CACNB2: variants seen among roughly 807,000 people sequenced by gnomAD.
The protein encoded by CACNB2 is voltage-dependent L-type calcium channel subunit beta-2.
Under a neutral mutation model 73.3 loss-of-function variants are expected in CACNB2, and 42 were observed. That is an observed-to-expected ratio of 0.57 (90% CI 0.45 to 0.74). CACNB2 has a LOEUF of 0.74. Ranked by LOEUF, CACNB2 falls within the 30% of genes least tolerant of loss-of-function variation. CACNB2 has a pLI of 0.00. For missense variants in CACNB2, 940 were observed against 853.0 expected (o/e 1.10, Z -1.27); for synonymous variants, 348 against 310.3 (o/e 1.12, Z -1.28).
At chr10:18,167,084 G>A (rs1279233488) in intron 2 of CACNB2, among the ~76,000 whole-genome samples, 1 of 152,126 alleles carries the variant, frequency 6.6e-6, no homozygotes, top group Non-Finnish European at 1.5e-5. Flanking sequence ...TGTTCTTCAA[G>A]GTGAAGGTAC....
At chr10:18,409,196 G>A (rs370010674) in intron 3 of CACNB2, among the ~76,000 whole-genome samples, 2 of 151,966 alleles carry the variant, frequency 1.3e-5, no homozygotes, top group African/African-American at 4.8e-5. Context: ...CTATCCCAGA[G>A]GCTGAAGCAG....
At chr10:18,529,314 AC>A (rs1315866794) in intron 10 of CACNB2, among the ~76,000 whole-genome samples, 1 of 152,222 alleles carries the variant, frequency 6.6e-6, no homozygotes, top group Non-Finnish European at 1.5e-5. Context: ...CATTGAGCAT[AC>A]ACTAGATACC....
chr10:18,504,164 C>T (rs899298139), intron 5 of CACNB2, among the ~76,000 whole-genome samples: 5 of 152,210 alleles, frequency 3.3e-5, no homozygotes, highest in Non-Finnish European at 7.3e-5. Flanking sequence ...TAGTGCTCCA[C>T]TCATCTTTGT....
chr10:18,355,644 T>TA (rs2041877273), intron 2 of CACNB2, among the ~76,000 whole-genome samples: 1 of 151,652 alleles, frequency 6.6e-6, no homozygotes, highest in Admixed American at 6.6e-5. Flanking sequence ...TTTTTTTTTT[T>TA]TTATTTTTTT....
intron 1 of CACNB2, among the ~76,000 whole-genome samples, chr10:18,142,425 T>G (rs1244360143): frequency 6.6e-6 from 1 of 152,198 alleles, no homozygotes; most frequent in East Asian, 1.9e-4. Flanking sequence ...TTTGCATTTG[T>G]TCTAGACTCC....
intron 2 of CACNB2, among the ~76,000 whole-genome samples, chr10:18,287,014 C>T (rs542226670): frequency 6.6e-6 from 1 of 152,122 alleles, no homozygotes; most frequent in Non-Finnish European, 1.5e-5. Context: ...AATATGTAAA[C>T]TAATATAGGC....
intron 2 of CACNB2, among the ~76,000 whole-genome samples, chr10:18,205,880 C>G (rs2035068618): frequency 6.6e-6 from 1 of 152,170 alleles, no homozygotes. Context: ...TGTTCTTGCT[C>G]CAATTTGCAA....
At chr10:18,266,112 G>A (rs557006470) in intron 2 of CACNB2, among the ~76,000 whole-genome samples, 7 of 152,252 alleles carry the variant, frequency 4.6e-5, no homozygotes, top group East Asian at 1.9e-4. Flanking sequence ...TTGTTCCAAC[G>A]CACATTTACA....
At chr10:18,424,614 G>C (rs979444979) in intron 3 of CACNB2, among the ~76,000 whole-genome samples, 1 of 152,006 alleles carries the variant, frequency 6.6e-6, no homozygotes, top group African/African-American at 2.4e-5. Context: ...TGCTGAATGT[G>C]GTGTTTCCCA....
At chr10:18,444,271 A>C (rs959356802) in intron 3 of CACNB2, among the ~76,000 whole-genome samples, 2 of 152,104 alleles carry the variant, frequency 1.3e-5, no homozygotes, top group Non-Finnish European at 2.9e-5. Flanking sequence ...CCACCAGGAG[A>C]GGATGCAGAG....
intron 3 of CACNB2, among the ~76,000 whole-genome samples, chr10:18,461,663 A>G (rs749611881): frequency 6.6e-6 from 1 of 151,908 alleles, no homozygotes; most frequent in Non-Finnish European, 1.5e-5. Context: ...GCAGTTCACA[A>G]CAGGGTTCAC....
rs71402168 is a variant in CACNB2 at position 18,443,014 on chromosome 10, GTATATA to G, written c.333+40988_333+40993del. 1.0e-3 allele frequency among the ~76,000 whole-genome samples: 17 copies of G among 16,530 alleles called. 3 individuals are homozygous for G. Among genetic ancestry groups the G allele is most frequent in the East Asian group, 6.8e-3 (3 of 444 alleles). The allele number at this position is 16,530 out of a possible 152,430, so 10.8% of individuals were successfully genotyped here. Reference sequence around the variant, plus strand: ...TATATATATGTGTATATATATATATGTATATATATATATATATATATAAATAAGGAA... The same window carrying G: ...TATATATATGTGTATATATATATATGTATATATATATATATAAATAAGGAA... On this transcript the variant is annotated intron_variant, in intron 3 of 13. Transcript: ENST00000324631.
chr10:18,313,648 A>T (rs2040046195), intron 2 of CACNB2, among the ~76,000 whole-genome samples: 1 of 152,198 alleles, frequency 6.6e-6, no homozygotes, highest in Non-Finnish European at 1.5e-5. Context: ...GATTAAATCC[A>T]AAGCTTTATT....
chr10:18,248,084 G>A lies in CACNB2; in HGVS notation c.213+97109G>A, dbSNP rs72784212. Among the ~76,000 whole-genome samples, 1,443 of 152,248 alleles carry A rather than the reference G, an allele frequency of 9.5e-3. 11 individuals carry two copies. The highest frequency in any genetic ancestry group is 0.024 in the Middle Eastern group (7 of 294). ...GATTAGGTTGCAACATATGAATTTTGAGGGAAATGCAAAGATTCAGACCAC... is the reference window on the plus strand; with the variant it reads ...GATTAGGTTGCAACATATGAATTTTAAGGGAAATGCAAAGATTCAGACCAC... On this transcript the variant is annotated intron_variant, in intron 2 of 13. Coordinates refer to ENST00000324631, the MANE Select transcript of CACNB2 (RefSeq NM_201596.3).
chr10:18,403,648 A>C (rs1377970152), intron 3 of CACNB2, among the ~76,000 whole-genome samples: 1 of 152,208 alleles, frequency 6.6e-6, no homozygotes, highest in Non-Finnish European at 1.5e-5. Flanking sequence ...AAGAACTTTT[A>C]AAGTATCTTT....
intron 2 of CACNB2, among the ~76,000 whole-genome samples, chr10:18,332,197 G>T (rs1589061917): frequency 6.6e-6 from 1 of 152,190 alleles, no homozygotes; most frequent in Non-Finnish European, 1.5e-5. Context: ...GCCTTATAAA[G>T]ACCTCTTTGG....
chr10:18,397,720 C>CAAAAAA (rs10581390), intron 2 of CACNB2, among the ~76,000 whole-genome samples: 1 of 91,766 alleles, frequency 1.1e-5, no homozygotes, highest in African/African-American at 4.4e-5. Context: ...GACTCCGTCT[C>CAAAAAA]AAAAAAAAAA....
intron 2 of CACNB2, among the ~76,000 whole-genome samples, chr10:18,228,295 T>G (rs899396329): frequency 6.6e-6 from 1 of 151,480 alleles, no homozygotes; most frequent in African/African-American, 2.4e-5. Flanking sequence ...CCGGATGTGG[T>G]GGCACATGCC....
chr10:18,327,238 A>G (rs67241225), intron 2 of CACNB2, among the ~76,000 whole-genome samples: 38,670 of 152,080 alleles, frequency 0.25, 5,263 homozygotes, highest in Middle Eastern at 0.35. Flanking sequence ...AAAAGAGCAT[A>G]CCTATTAATT....
Sources: allele counts gnomAD v4.1 joint callset (sites outside exome capture counted in the v4.1 genomes callset), GRCh38; gene constraint gnomAD v4.1.1; transcripts MANE v1.5; gene names NCBI Gene and HGNC (gene_info 2026-07-23, HGNC 2026-07-21).